The following LDLRAD3 variants were observed in gnomAD, a reference collection of about 807,000 sequenced individuals.
LDLRAD3 encodes the protein low density lipoprotein receptor class A domain containing 3.
In LDLRAD3, 20 loss-of-function variants were observed where a neutral mutation model predicts 29.4. The ratio of observed to expected loss-of-function variants is 0.68; its 90% CI spans 0.48 to 0.99. The LOEUF (loss-of-function observed/expected upper bound fraction) is 0.99. Ranked by LOEUF, LDLRAD3 falls within the 50% of genes least tolerant of loss-of-function variation. The pLI is 0.00. For missense variants in LDLRAD3, 420 were observed against 454.3 expected (o/e 0.92, Z 0.69); for synonymous variants, 157 against 192.7 (o/e 0.81, Z 1.53).
Position 36,036,096 on chromosome 11 carries a change from C to T in LDLRAD3, c.47-7C>T, listed in dbSNP as rs999721244. On this transcript the variant is annotated splice_region_variant and splice_polypyrimidine_tract_variant and intron_variant, in intron 1 of 5. Transcript: ENST00000315571. ...GTGCCGTCTGACCTGTCCCCTCTCT[C>T]TGACAGAGAGCCAGCTGCTCCCCGG... 8 of 1,613,484 alleles carry T rather than the reference C, an allele frequency of 5.0e-6. No homozygotes were observed. Among genetic ancestry groups the T allele is most frequent in the African/African-American group, 1.3e-5 (1 of 74,934 alleles).
intron 4 of LDLRAD3, among the ~76,000 whole-genome samples, chr11:36,145,096 G>C (rs1253032527): frequency 1.0e-5 from 1 of 99,420 alleles, no homozygotes; most frequent in Non-Finnish European, 2.1e-5. Flanking sequence ...CGCCCCGTCC[G>C]GGAGGGAGGT....
chr11:36,099,375 C>G (rs551993254), intron 4 of LDLRAD3, among the ~76,000 whole-genome samples: 1 of 152,042 alleles, frequency 6.6e-6, no homozygotes, highest in African/African-American at 2.4e-5. Context: ...TTAAGGCATC[C>G]GAAAGAATAT....
At position 36,144,996 on chromosome 11, in the gene LDLRAD3, C is replaced by T. The variant is rs1238652923; in HGVS notation, c.454+46535C>T. Among the ~76,000 whole-genome samples, 18 of 115,946 alleles carry T rather than the reference C, an allele frequency of 1.6e-4. 2 individuals are homozygous for T. The highest frequency in any genetic ancestry group is 5.4e-4 in the African/African-American group (17 of 31,532). 76.1% of individuals were successfully genotyped at this position (115,946 alleles called of 152,430 possible). A position where few individuals can be genotyped will look rare whatever the true frequency, so the allele number is the denominator to read the frequency against. ...GAAGGAGGTGGGGGGGTCAGCCCCC[C>T]GCCCTGCCAGCCGCCCCGTCCGGGA... On this transcript the variant is annotated intron_variant, in intron 4 of 5. Transcript: ENST00000315571.
At chr11:36,118,034 G>A (rs1853698736) in intron 4 of LDLRAD3, among the ~76,000 whole-genome samples, 1 of 152,120 alleles carries the variant, frequency 6.6e-6, no homozygotes, top group Non-Finnish European at 1.5e-5. Flanking sequence ...GGCTGAGAGA[G>A]GGCATTTGGA....
At chr11:36,158,005 A>G (rs975341282) in intron 4 of LDLRAD3, among the ~76,000 whole-genome samples, 2 of 152,138 alleles carry the variant, frequency 1.3e-5, no homozygotes, top group Admixed American at 6.5e-5. Flanking sequence ...TTATATCACA[A>G]ATATACAGAT....
At chr11:36,166,636 G>A (rs1408678475) in intron 4 of LDLRAD3, among the ~76,000 whole-genome samples, 2 of 152,018 alleles carry the variant, frequency 1.3e-5, no homozygotes, top group African/African-American at 4.8e-5. Flanking sequence ...CTTCCTCTTT[G>A]ACCCTTTACT....
intron 2 of LDLRAD3, among the ~76,000 whole-genome samples, chr11:36,079,911 A>G (rs1162737389): frequency 6.6e-6 from 1 of 152,238 alleles, no homozygotes; most frequent in East Asian, 1.9e-4. Flanking sequence ...GTCCAAAGTC[A>G]TAAAAAATAG....
intron 2 of LDLRAD3, among the ~76,000 whole-genome samples, chr11:36,036,457 C>T (rs1176583175): frequency 2.0e-5 from 3 of 152,108 alleles, no homozygotes; most frequent in Non-Finnish European, 4.4e-5. Context: ...GGTGGTGGAG[C>T]CAACGCTTTG....
intron 4 of LDLRAD3, among the ~76,000 whole-genome samples, chr11:36,149,762 G>C (rs1854249984): frequency 6.6e-6 from 1 of 152,202 alleles, no homozygotes; most frequent in Non-Finnish European, 1.5e-5. Flanking sequence ...CACAGTGCCA[G>C]AGCTTCCAGA....
At chr11:35,970,674 C>A (rs1851400680) in intron 1 of LDLRAD3, among the ~76,000 whole-genome samples, 1 of 152,158 alleles carries the variant, frequency 6.6e-6, no homozygotes. Context: ...AAGCATCTTG[C>A]CCCAGGTCAC....
At chr11:36,059,790 T>A (rs1852670950) in intron 2 of LDLRAD3, among the ~76,000 whole-genome samples, 1 of 152,118 alleles carries the variant, frequency 6.6e-6, no homozygotes, top group African/African-American at 2.4e-5. Flanking sequence ...TGTTTTTTCT[T>A]TTTCATCCTC....
chr11:35,948,447 T>A (rs1173201117), intron 1 of LDLRAD3, among the ~76,000 whole-genome samples: 1 of 151,712 alleles, frequency 6.6e-6, no homozygotes, highest in East Asian at 1.9e-4. Flanking sequence ...CGTGTGTGTG[T>A]GTGTGTGTGT....
intron 4 of LDLRAD3, among the ~76,000 whole-genome samples, chr11:36,172,064 T>TTTG: frequency 6.6e-6 from 1 of 152,142 alleles, no homozygotes. Context: ...TAAGGTGTTT[T>TTTG]TTTGTTTGTT....
intron 1 of LDLRAD3, among the ~76,000 whole-genome samples, chr11:35,972,188 T>C (rs889698593): frequency 6.6e-6 from 1 of 151,898 alleles, no homozygotes; most frequent in Admixed American, 6.6e-5. Context: ...CCCCAGAGTT[T>C]CACAGAAACC....
At chr11:36,119,851 A>G (rs1303533284) in intron 4 of LDLRAD3, among the ~76,000 whole-genome samples, 1 of 152,154 alleles carries the variant, frequency 6.6e-6, no homozygotes, top group African/African-American at 2.4e-5. Context: ...CAACTCATCT[A>G]TTTTGTTGTT....
intron 4 of LDLRAD3, among the ~76,000 whole-genome samples, chr11:36,103,395 G>A (rs1565224684): frequency 5.3e-5 from 8 of 151,822 alleles, no homozygotes; most frequent in Admixed American, 5.2e-4. Context: ...CCACCACCAC[G>A]CCCAGCTAAT....
chr11:36,004,783 G>A (rs1851864349), intron 1 of LDLRAD3, among the ~76,000 whole-genome samples: 1 of 152,222 alleles, frequency 6.6e-6, no homozygotes, highest in Non-Finnish European at 1.5e-5. Context: ...CTAGAGAGAG[G>A]TTCCCAAACC....
chr11:35,965,997 C>T (rs1590690509), intron 1 of LDLRAD3, among the ~76,000 whole-genome samples: 1 of 152,226 alleles, frequency 6.6e-6, no homozygotes, highest in East Asian at 1.9e-4. Flanking sequence ...CATGTTACTA[C>T]TGACCTACTG....
rs777972256 is a variant in LDLRAD3, at chr11:36,229,303, A to G, written c.944A>G (p.Glu315Gly). The change falls in exon 6 of 6, where the codon GAA becomes GGA. Residue 315 changes from glutamate to glycine, a missense_variant. Physicochemically the swap from Glu to Gly is moderately conservative, Grantham distance 98 (BLOSUM62 -2). Around this residue, in one of 3 missense-constraint regions of LDLRAD3, gnomAD observed 140 missense variants for 139.9 expected, o/e 1.00. Transcript: ENST00000315571. Reference protein sequence around the residue: ...SQAASSLLSVEDTSHSPGQPG... With the variant: ...SQAASSLLSVGDTSHSPGQPG... ...GCAGCCAGCAGCCTCCTGAGCGTGG[A>G]AGACACCAGCCACAGCCCGGGGCAG... 13 of 1,613,910 alleles carry G rather than the reference A, an allele frequency of 8.1e-6. No individual in the cohort carries two copies. The South Asian group carries it at 1.2e-4, about 15-fold the overall frequency.
Sources: allele counts gnomAD v4.1 joint callset (sites outside exome capture counted in the v4.1 genomes callset), GRCh38; gene constraint gnomAD v4.1.1; regional missense constraint gnomAD v4.1.1; transcripts MANE v1.5; gene names NCBI Gene and HGNC (gene_info 2026-07-23, HGNC 2026-07-21).